The following BICC1 variants were observed in gnomAD, a reference collection of about 807,000 sequenced individuals.
BICC1 encodes BicC family RNA binding protein 1.
Under a neutral mutation model 111.0 loss-of-function variants are expected in BICC1, and 43 were observed. The ratio of observed to expected loss-of-function variants is 0.39; its 90% CI spans 0.30 to 0.50. The LOEUF (loss-of-function observed/expected upper bound fraction) is 0.50, where lower values mean the gene tolerates loss of function less well. BICC1 is among the 20% of genes least tolerant of loss of function. The pLI is 0.88. For synonymous variants in BICC1, 467 were observed against 434.4 expected (o/e 1.07, Z -0.93); for missense variants, 1,091 against 1,203.2 (o/e 0.91, Z 1.38).
intron 2 of BICC1, among the ~76,000 whole-genome samples, chr10:58,676,892 G>A (rs1265917699): frequency 1.3e-5 from 2 of 152,222 alleles, no homozygotes; most frequent in Admixed American, 6.5e-5. Context: ...CTCCGCTGGT[G>A]ATATCGAGGC....
At chr10:58,797,932 C>A (rs1465301676) in intron 10 of BICC1, among the ~76,000 whole-genome samples, 1 of 152,154 alleles carries the variant, frequency 6.6e-6, no homozygotes, top group African/African-American at 2.4e-5. Flanking sequence ...TGGTAGCCTA[C>A]CCTATCTGCA....
At chr10:58,538,286 G>A (rs531287250) in intron 1 of BICC1, among the ~76,000 whole-genome samples, 6 of 123,588 alleles carry the variant, frequency 4.9e-5, no homozygotes, top group South Asian at 2.6e-4. Flanking sequence ...TACATAGACC[G>A]TGGAACAAAA....
At chr10:58,607,772 C>T (rs566176355) in intron 1 of BICC1, among the ~76,000 whole-genome samples, 1 of 152,198 alleles carries the variant, frequency 6.6e-6, no homozygotes, top group African/African-American at 2.4e-5. Context: ...GGAATGACCT[C>T]GTATGCTGAT....
chr10:58,514,776 C>T (rs1842197289), intron 1 of BICC1, among the ~76,000 whole-genome samples: 1 of 152,116 alleles, frequency 6.6e-6, no homozygotes, highest in Non-Finnish European at 1.5e-5. Context: ...AAATTAAAGC[C>T]CCAGTTGCAT....
intron 1 of BICC1, among the ~76,000 whole-genome samples, chr10:58,549,742 A>G (rs1455049133): frequency 3.3e-5 from 5 of 150,360 alleles, no homozygotes. Context: ...CTGGAGTGCA[A>G]TGGTGTGATC....
At chr10:58,823,857 T>G (rs1844321210) in intron 20 of BICC1, 1 of 985,096 alleles carries the variant, frequency 1.0e-6, no homozygotes, top group Non-Finnish European at 1.2e-6. Flanking sequence ...ATATATTCAA[T>G]TCTGTCTTGA....
intron 3 of BICC1, among the ~76,000 whole-genome samples, chr10:58,743,818 A>T: frequency 6.7e-6 from 1 of 148,740 alleles, no homozygotes; most frequent in Non-Finnish European, 1.5e-5. Context: ...TACATGTTTT[A>T]AAAATAAAAA....
intron 2 of BICC1, among the ~76,000 whole-genome samples, chr10:58,689,578 A>T (rs987250769): frequency 6.6e-6 from 1 of 152,222 alleles, no homozygotes; most frequent in Non-Finnish European, 1.5e-5. Context: ...TGTGTTTTAA[A>T]GGAAAAAAGC....
chr10:58,792,413 C>T (rs543803134), intron 8 of BICC1, among the ~76,000 whole-genome samples: 3 of 152,062 alleles, frequency 2.0e-5, no homozygotes, highest in African/African-American at 2.4e-5. Context: ...CCTCAATCCC[C>T]GGGACAAGGA....
chr10:58,598,925 G>C (rs1173619968), intron 1 of BICC1, among the ~76,000 whole-genome samples: 1 of 152,174 alleles, frequency 6.6e-6, no homozygotes, highest in Non-Finnish European at 1.5e-5. Context: ...CTGGTCATTA[G>C]AGAAATGCAA....
intron 2 of BICC1, among the ~76,000 whole-genome samples, chr10:58,639,395 A>AC (rs1236100148): frequency 2.0e-5 from 1 of 50,924 alleles, no homozygotes; most frequent in Non-Finnish European, 4.0e-5. Context: ...TCTGCCATTT[A>AC]AATTTTTTTT....
intron 3 of BICC1, among the ~76,000 whole-genome samples, chr10:58,766,484 A>G (rs1052104119): frequency 1.3e-5 from 2 of 152,212 alleles, no homozygotes; most frequent in Non-Finnish European, 2.9e-5. Context: ...TAAAATTTGG[A>G]TAATCTCCTG....
chr10:58,614,644 C>T (rs935620009), intron 1 of BICC1, among the ~76,000 whole-genome samples: 1 of 151,942 alleles, frequency 6.6e-6, no homozygotes, highest in Non-Finnish European at 1.5e-5. Context: ...GAAATCTTTC[C>T]CTTTTTATTC....
rs780178464 is a variant in BICC1 at position 58,828,830 on chromosome 10, C to T, written c.2864C>T (p.Ala955Val). The T allele has an allele frequency of 9.3e-6, 15 of 1,613,826 alleles. No individual in the cohort carries two copies. The highest frequency in any genetic ancestry group is 6.7e-5 in the East Asian group (3 of 44,858). ...CGCACCTCTTTCCTGGAAGGTGGAGCGAGTGGAAGGCTACCCCGTCAGTAT... is the reference window on the plus strand; with the variant it reads ...CGCACCTCTTTCCTGGAAGGTGGAGTGAGTGGAAGGCTACCCCGTCAGTAT... ...NARTSFLEGG[A>V]SGRLPRQYHS... The change falls in exon 21 of 21, where the codon GCG becomes GTG. Residue 955 changes from alanine to valine, a missense_variant. By Grantham distance (64) the Ala-to-Val change is moderately conservative (BLOSUM62 0). Coordinates refer to ENST00000373886, the MANE Select transcript of BICC1 (RefSeq NM_001080512.3).
intron 2 of BICC1, among the ~76,000 whole-genome samples, chr10:58,701,226 T>G (rs1440536952): frequency 6.6e-6 from 1 of 152,218 alleles, no homozygotes; most frequent in Non-Finnish European, 1.5e-5. Flanking sequence ...CATGATTTTT[T>G]TTTGCTGTTT....
intron 3 of BICC1, among the ~76,000 whole-genome samples, chr10:58,713,977 T>C (rs10826226): frequency 0.3 from 45,104 of 152,098 alleles, 7,436 homozygotes; most frequent in African/African-American, 0.44. Flanking sequence ...CATTTGGCAA[T>C]ATCTGGAGAC....
At chr10:58,603,588 A>G (rs1036557606) in intron 1 of BICC1, among the ~76,000 whole-genome samples, 2 of 152,212 alleles carry the variant, frequency 1.3e-5, no homozygotes, top group Non-Finnish European at 2.9e-5. Flanking sequence ...AGTGTGTCCA[A>G]TGAAAAAATA....
intron 2 of BICC1, among the ~76,000 whole-genome samples, chr10:58,645,104 A>G (rs1272817894): frequency 6.6e-6 from 1 of 152,054 alleles, no homozygotes; most frequent in Admixed American, 6.5e-5. Flanking sequence ...GAAGCTCATG[A>G]TATGTTTTAA....
chr10:58,711,458 C>T (rs1364573032), intron 3 of BICC1, among the ~76,000 whole-genome samples: 2 of 152,264 alleles, frequency 1.3e-5, no homozygotes, highest in South Asian at 2.1e-4. Context: ...TAGATAGTGC[C>T]AAACATGCAC....
Sources: gnomAD v4.1 joint callset for allele counts (sites outside exome capture counted in the v4.1 genomes callset) on GRCh38, gnomAD v4.1.1 for gene constraint, MANE v1.5 for transcripts, NCBI Gene and HGNC (gene_info 2026-07-23, HGNC 2026-07-21) for gene names.